Variants in ZNF33A observed in about 807,000 individuals in gnomAD.
The protein encoded by ZNF33A is brain my041 protein.
In ZNF33A, 9 loss-of-function variants were observed where a neutral mutation model predicts 15.9. The ratio of observed to expected loss-of-function variants is 0.57; its 90% CI spans 0.34 to 0.99. The LOEUF is 0.99. Ranked by LOEUF, ZNF33A falls within the 50% of genes least tolerant of loss-of-function variation. The pLI, the probability that ZNF33A is intolerant of heterozygous loss-of-function variation, is 0.02. For synonymous variants in ZNF33A, 294 were observed against 324.2 expected, an observed-to-expected ratio of 0.91 and a Z score of 1.00; for missense variants, 843 against 941.6, an observed-to-expected ratio of 0.90 and a Z score of 1.37.
intron 4 of ZNF33A, among the ~76,000 whole-genome samples, chr10:38,038,086 T>TA (rs2065532056): frequency 6.6e-6 from 1 of 152,232 alleles, no homozygotes; most frequent in African/African-American, 2.4e-5. Flanking sequence ...TGATTAAAGT[T>TA]ATAAGTATTT....
chr10:38,059,846 T>C lies in ZNF33A; in HGVS notation c.*3286T>C, dbSNP rs2066628434. The C allele has an allele frequency of 6.5e-6, 1 of 153,614 alleles. No individual in the cohort carries two copies. Among genetic ancestry groups the C allele is most frequent in the Non-Finnish European group, 1.4e-5 (1 of 69,356 alleles). The allele number at this position is 153,614 out of a possible 1,614,324, so 9.5% of individuals were successfully genotyped here. A position where few individuals can be genotyped will look rare whatever the true frequency, so the allele number is the denominator to read the frequency against. ...GTAAACCCTAATGTCAACTCTGGAC[T>C]TCAGTTAATAATAATGTATCACTGT... On this transcript the variant is annotated 3_prime_UTR_variant, in exon 5 of 5. Coordinates refer to ENST00000432900, the MANE Select transcript of ZNF33A (RefSeq NM_006954.2).
At chr10:38,064,009 G>A, downstream of ZNF33A, 3 of 1,342,956 alleles carry the variant, frequency 2.2e-6, no homozygotes, top group Non-Finnish European at 3.1e-6. Flanking sequence ...GAAGAAAAGA[G>A]GGCTTTCAGG....
At chr10:38,021,127 C>T (rs2064719764) in intron 4 of ZNF33A, among the ~76,000 whole-genome samples, 1 of 152,170 alleles carries the variant, frequency 6.6e-6, no homozygotes, top group South Asian at 2.1e-4. Flanking sequence ...TAATGAACAA[C>T]ATAGGTTGAT....
chr10:38,032,758 G>GT (rs1365102075), intron 4 of ZNF33A, among the ~76,000 whole-genome samples: 1 of 150,490 alleles, frequency 6.6e-6, no homozygotes, highest in East Asian at 2.0e-4. Context: ...GCCGACAGTT[G>GT]TTTTTTTGAG....
intron 4 of ZNF33A, among the ~76,000 whole-genome samples, chr10:38,028,267 A>AAAAT (rs1451718774): frequency 1.3e-5 from 2 of 152,058 alleles, no homozygotes; most frequent in Admixed American, 6.6e-5. Context: ...GATCCTGTCT[A>AAAAT]AAATAAATAA....
intron 4 of ZNF33A, among the ~76,000 whole-genome samples, chr10:38,031,820 A>C (rs967201281): frequency 6.6e-6 from 1 of 151,754 alleles, no homozygotes; most frequent in African/African-American, 2.4e-5. Flanking sequence ...AAAATTAGCC[A>C]GGCGTGATGG....
intron 4 of ZNF33A, among the ~76,000 whole-genome samples, chr10:38,023,786 C>A (rs1475029330): frequency 6.6e-6 from 1 of 152,106 alleles, no homozygotes; most frequent in Non-Finnish European, 1.5e-5. Context: ...AAATAGAAGT[C>A]ATACACGTAG....
intron 2 of ZNF33A, among the ~76,000 whole-genome samples, chr10:38,013,776 T>TA (rs1261484412): frequency 2.0e-5 from 3 of 152,132 alleles, no homozygotes; most frequent in African/African-American, 7.2e-5. Context: ...GTGTAGCAGA[T>TA]AGATACACAA....
intron 4 of ZNF33A, among the ~76,000 whole-genome samples, chr10:38,021,657 G>A (rs2064753025): frequency 6.6e-6 from 1 of 152,078 alleles, no homozygotes; most frequent in Non-Finnish European, 1.5e-5. Flanking sequence ...AAAAAAAAGA[G>A]TAGTGCCCAA....
upstream of ZNF33A, chr10:38,010,507 A>G (rs2135512957): frequency 4.7e-6 from 3 of 633,388 alleles, no homozygotes; most frequent in Non-Finnish European, 8.6e-6. Flanking sequence ...AGGCAGTTCC[A>G]GCACCAACTC....
chr10:38,018,851 A>T (rs565783027), intron 4 of ZNF33A, among the ~76,000 whole-genome samples: 146 of 152,218 alleles, frequency 9.6e-4, no homozygotes, highest in African/African-American at 3.4e-3. Context: ...AAGATATAAA[A>T]CTACACATTC....
chr10:38,035,206 C>T (rs2065394744), intron 4 of ZNF33A, among the ~76,000 whole-genome samples: 1 of 150,394 alleles, frequency 6.6e-6, no homozygotes, highest in Non-Finnish European at 1.5e-5. Context: ...CAACCTCCGC[C>T]TCCTGGGTTC....
chr10:38,053,361 TG>T (rs770800941), intron 4 of ZNF33A, among the ~76,000 whole-genome samples: 21 of 151,808 alleles, frequency 1.4e-4, no homozygotes, highest in Non-Finnish European at 2.9e-4. Flanking sequence ...GACCAGTGGT[TG>T]GGGGTGGTGG....
At chr10:38,042,429 G>T (rs2065746468) in intron 4 of ZNF33A, among the ~76,000 whole-genome samples, 1 of 151,380 alleles carries the variant, frequency 6.6e-6, no homozygotes, top group African/African-American at 2.4e-5. Context: ...TGATCTGCCT[G>T]CCTTGGCCTC....
chr10:38,059,923 T>C lies in ZNF33A; in HGVS notation c.*3363T>C, dbSNP rs2066630360. On this transcript the variant is annotated 3_prime_UTR_variant, in exon 5 of 5. Coordinates refer to ENST00000432900, the MANE Select transcript of ZNF33A (RefSeq NM_006954.2). Reference sequence around the variant, plus strand: ...CATAATGATGCAAGATGTTAATGATTGGGGAGCCTGTGGAAGATGGGAGGG... The same window carrying C: ...CATAATGATGCAAGATGTTAATGATCGGGGAGCCTGTGGAAGATGGGAGGG... The C allele has an allele frequency of 4.7e-6, 1 of 214,482 alleles. No homozygotes were observed. The highest frequency in any genetic ancestry group is 8.0e-6 in the Non-Finnish European group (1 of 125,016). 13.3% of individuals were successfully genotyped at this position (214,482 alleles called of 1,614,324 possible). A position where few individuals can be genotyped will look rare whatever the true frequency, so the allele number is the denominator to read the frequency against.
In ZNF33A at chr10:38,055,923, A is replaced by G. The variant is rs1256477408; in HGVS notation, c.1799A>G (p.Asn600Ser). The G allele has an allele frequency of 1.2e-6, 2 of 1,614,114 alleles. No individual in the cohort carries two copies. The highest frequency in any genetic ancestry group is 1.7e-6 in the Non-Finnish European group (2 of 1,180,006). Residue 600 changes from asparagine to serine, a missense_variant, in exon 5 of 5, where the codon AAT becomes AGT. By Grantham distance (46) the Asn-to-Ser change is conservative. Coordinates refer to ENST00000432900, the MANE Select transcript of ZNF33A (RefSeq NM_006954.2). ...FYNKSYLTKH[N>S]RTHTGEKPYE... ...AATAAATCATACCTAACTAAACATAATAGAACACATACAGGGGAGAAACCC... is the reference window on the plus strand; with the variant it reads ...AATAAATCATACCTAACTAAACATAGTAGAACACATACAGGGGAGAAACCC...
At chr10:38,024,751 T>C (rs926691425) in intron 4 of ZNF33A, among the ~76,000 whole-genome samples, 6 of 152,280 alleles carry the variant, frequency 3.9e-5, no homozygotes, top group Non-Finnish European at 8.8e-5. Context: ...TTCAAAAATA[T>C]TAAATAGGAA....
At chr10:38,049,588 G>A (rs1258129629) in intron 4 of ZNF33A, among the ~76,000 whole-genome samples, 2 of 152,080 alleles carry the variant, frequency 1.3e-5, no homozygotes, top group Non-Finnish European at 2.9e-5. Flanking sequence ...ATATGTGTAT[G>A]TATTTATGTA....
chr10:38,060,655 A>T (rs1268215936), downstream of ZNF33A, among the ~76,000 whole-genome samples: 1 of 152,162 alleles, frequency 6.6e-6, no homozygotes, highest in African/African-American at 2.4e-5. Flanking sequence ...TTCCTTCACC[A>T]TCAGGGTGAA....
Sources: gnomAD v4.1 joint callset for allele counts (sites outside exome capture counted in the v4.1 genomes callset) on GRCh38, gnomAD v4.1.1 for gene constraint, MANE v1.5 for transcripts, NCBI Gene and HGNC (gene_info 2026-07-23, HGNC 2026-07-21) for gene names.